Variants in ELK1 observed in about 807,000 individuals in gnomAD.
ELK1 encodes the protein ETS domain-containing protein Elk-1.
For synonymous variants in ELK1, 163 were observed against 176.3 expected (o/e 0.92, Z 0.60); for missense variants, 254 against 381.5 (o/e 0.67, Z 2.78).
At chrX:47,645,832 C>T (rs1382426541) in intron 2 of ELK1, among the ~76,000 whole-genome samples, 1 of 111,918 alleles carries the variant, frequency 8.9e-6, no homozygotes, top group Non-Finnish European at 1.9e-5. Context: ...TCTTCCTCTG[C>T]GTGATCAAAG....
intron 3 of ELK1, among the ~76,000 whole-genome samples, chrX:47,640,641 A>G (rs761587419): frequency 8.9e-6 from 1 of 111,877 alleles, no homozygotes; most frequent in African/African-American, 3.3e-5. Flanking sequence ...TGGGAATTTA[A>G]GAAGACAGTG....
Position 47,637,039 on chromosome X carries a change from G to A in ELK1, c.1162C>T (p.Arg388Cys), listed in dbSNP as rs745709371. The A allele has an allele frequency of 4.1e-6, 5 of 1,210,518 alleles. No individual in the cohort carries two copies. Among genetic ancestry groups the A allele is most frequent in the Non-Finnish European group, 4.5e-6 (4 of 895,052 alleles). ...TGGAAGGAGAGCTTGGCCGGGCTAC[G>A]GGGCGCAATGGGACTCAGGGTGCTC... ...FWSTLSPIAP[R>C]SPAKLSFQFP... Residue 388 changes from arginine (R) to cysteine (C), a missense_variant, in exon 6 of 7, where the codon CGT (arginine) becomes TGT (cysteine). Physicochemically the swap from Arg to Cys is radical, Grantham distance 180 (BLOSUM62 -3). Coordinates refer to ENST00000376983, the MANE Select transcript of ELK1 (RefSeq NM_001114123.3).
In ELK1 at chrX:47,639,470, C is replaced by T. The variant is rs1392211665; in HGVS notation, c.211-132G>A. ...GGCTTTCTTCCCACTTGCTCCTCTCCGGCTTTCCCGTCCCTCCTCTGTAAG... is the reference window on the plus strand; with the variant it reads ...GGCTTTCTTCCCACTTGCTCCTCTCTGGCTTTCCCGTCCCTCCTCTGTAAG... On this transcript the variant is annotated intron_variant, in intron 3 of 6. Coordinates refer to ENST00000376983, the MANE Select transcript of ELK1 (RefSeq NM_001114123.3). 6 of 573,690 alleles carry T rather than the reference C, an allele frequency of 1.0e-5. No homozygotes were observed. In the African/African-American group the frequency reaches 1.1e-4, roughly 11 times the overall value. 47.3% of individuals were successfully genotyped at this position (573,690 alleles called of 1,213,427 possible).
rs1360420899 is a variant in ELK1 at position 47,644,278 on chromosome X, C to T, written c.-34-2803G>A. On this transcript the variant is annotated intron_variant, in intron 2 of 6. Coordinates refer to ENST00000376983, the MANE Select transcript of ELK1 (RefSeq NM_001114123.3). ...AGGGCTTTGTATTTTGTTATTTCTC[C>T]CACTTGACCCCTCATAAGAGTTCTA... Among the ~76,000 whole-genome samples, 3 of 111,639 alleles carry T rather than the reference C, an allele frequency of 2.7e-5. No homozygotes were observed. The Admixed American group carries it at 2.9e-4, about 11-fold the overall frequency.
rs779670525 is a variant in ELK1, at chrX:47,650,554, C to A, written c.-272G>T. The A allele has an allele frequency of 3.2e-6, 1 of 312,786 alleles. No homozygotes were observed. The highest frequency in any genetic ancestry group is 4.4e-5 in the Admixed American group (1 of 22,766). 25.8% of individuals were successfully genotyped at this position (312,786 alleles called of 1,213,427 possible). ...GAGGTGGTGGTGGCGGTGGCGGCGG[C>A]AGCACCTAGAAGCCGCCCCTGCGTT... On this transcript the variant is annotated 5_prime_UTR_variant, in exon 1 of 7. Transcript: ENST00000376983.
rs754212530 is a variant in ELK1 at position 47,637,610 on chromosome X, G to A, written c.1086+141C>T. The A allele has an allele frequency of 2.9e-5, 23 of 792,973 alleles. No individual in the cohort carries two copies. In the African/African-American group the frequency reaches 3.6e-4, roughly 12 times the overall value. The allele number at this position is 792,973 out of a possible 1,213,427, so 65.3% of individuals were successfully genotyped here. On this transcript the variant is annotated intron_variant, in intron 5 of 6. Coordinates refer to ENST00000376983, the MANE Select transcript of ELK1 (RefSeq NM_001114123.3). ...AACCCCATCCCTCCAGCCAGCATCA[G>A]CCCAGTCAATCACACTCAAAGGCTC...
rs1442891947 is a variant in ELK1, at chrX:47,636,439, C to T, written c.*390G>A. ...GGCTGAGAAATAAAGAAAGAAAGGT[C>T]GTTCTCAAGCCAGACCTCGATTGTC... On this transcript the variant is annotated 3_prime_UTR_variant, in exon 7 of 7. Transcript: ENST00000376983. 7.2e-6 allele frequency: 1 copy of T among 137,991 alleles called. No individual in the cohort carries two copies. The highest frequency in any genetic ancestry group is 1.4e-5 in the Non-Finnish European group (1 of 70,497). The allele number at this position is 137,991 out of a possible 1,213,427, so 11.4% of individuals were successfully genotyped here.
At chrX:47,641,552 T>G (rs2058028817) in intron 2 of ELK1, 77 bp from the exon 3 acceptor site, 2 of 757,281 alleles carry the variant, frequency 2.6e-6, no homozygotes, top group Non-Finnish European at 3.8e-6. Flanking sequence ...ATTCCTTTTT[T>G]TGTCATCTTT....
Position 47,636,818 on chromosome X carries a change from G to A in ELK1, c.*11C>T, listed in dbSNP as rs768193710. ...TGACCCCAGAAGGGGTGGTGGTGGT[G>A]GTGGTAGTAGTCATGGCTTCTGGGG... On this transcript the variant is annotated 3_prime_UTR_variant, in exon 7 of 7. Transcript: ENST00000376983. 45 of 1,129,030 alleles carry A rather than the reference G, an allele frequency of 4.0e-5. 1 individual carries two copies. The South Asian group carries it at 8.6e-4, about 22-fold the overall frequency. The allele number at this position is 1,129,030 out of a possible 1,213,427, so 93.0% of individuals were successfully genotyped here.
At chrX:47,644,199 G>A (rs886420812) in intron 2 of ELK1, among the ~76,000 whole-genome samples, 4 of 111,949 alleles carry the variant, frequency 3.6e-5, no homozygotes, top group African/African-American at 1.3e-4. Context: ...AGCTGCAACA[G>A]AACCTATCAG....
Position 47,637,973 on chromosome X carries a change from C to T in ELK1, c.864G>A (p.Ala288=), listed in dbSNP as rs762419349. The change falls in exon 5 of 7, where the codon GCG becomes GCA. Residue 288 remains alanine (A), a synonymous_variant. Coordinates refer to ENST00000376983, the MANE Select transcript of ELK1 (RefSeq NM_001114123.3). ...PQEGVPARLP[A]VVMDTAGQAG... is the part of the protein sequence containing the mutation. ...CCTGCCCTGCGGTGTCCATAACAAC[C>T]GCGGGCAGCCGGGCTGGCACGCCCT... 4.1e-6 allele frequency: 5 copies of T among 1,207,734 alleles called. No homozygotes were observed. Among genetic ancestry groups the T allele is most frequent in the African/African-American group, 3.5e-5 (2 of 57,116 alleles).
chrX:47,640,949 C>T (rs1210107268), intron 3 of ELK1, among the ~76,000 whole-genome samples: 3 of 111,126 alleles, frequency 2.7e-5, no homozygotes, highest in African/African-American at 6.6e-5. Context: ...GAAAATGAAA[C>T]GTTGTGCATG....
At chrX:47,647,279 G>C (rs2058046771) in intron 2 of ELK1, among the ~76,000 whole-genome samples, 1 of 106,998 alleles carries the variant, frequency 9.3e-6, no homozygotes, top group African/African-American at 3.4e-5. Context: ...TCCTGCCTCA[G>C]CCTCCCAAGT....
In ELK1 at chrX:47,638,987, C is replaced by T; in HGVS notation, c.562G>A (p.Gly188Arg). The change falls in exon 4 of 7, where the codon GGG becomes AGG. Residue 188 changes from glycine to arginine, a missense_variant. By Grantham distance (125) the Gly-to-Arg change is moderately radical (BLOSUM62 -2). Coordinates refer to ENST00000376983, the MANE Select transcript of ELK1 (RefSeq NM_001114123.3). Reference protein sequence around the residue: ...AVVLPSAAPAGAAAPPSGSRS... With the variant: ...AVVLPSAAPARAAAPPSGSRS... The stretch of plus-strand genomic sequence containing the variant: ...CTCCCCGAGGGGGGCGCTGCTGCCC[C>T]TGCAGGAGCTGCACTGGGGAGCACC... 5 of 1,199,278 alleles carry T rather than the reference C, an allele frequency of 4.2e-6. No homozygotes were observed. Among genetic ancestry groups the T allele is most frequent in the Non-Finnish European group, 5.6e-6 (5 of 889,284 alleles).
intron 3 of ELK1, 37 bp downstream of exon 3, chrX:47,641,194 TC>T: frequency 8.5e-7 from 1 of 1,183,235 alleles, no homozygotes; most frequent in East Asian, 3.0e-5. Context: ...GATATAAATG[TC>T]AGGGGGGGGT....
At position 47,638,896 on chromosome X, in the gene ELK1, T is replaced by C. The variant is rs141670214; in HGVS notation, c.653A>G (p.Gln218Arg). ...GAATTTCTATATTCCAGTCCTTACC[T>C]GCAGAGGCAAGCCGGCCTCTTCAGC... ...LEAEEAGLPL[Q>R]VILTPPEAPN... The change falls in exon 4 of 7, where the codon CAG (glutamine) becomes CGG (arginine). Residue 218 changes from glutamine (Q) to arginine (R), a missense_variant and splice_region_variant. Gln to Arg is a conservative substitution (Grantham distance 43). Coordinates refer to ENST00000376983, the MANE Select transcript of ELK1 (RefSeq NM_001114123.3). 15 of 1,198,995 alleles carry C rather than the reference T, an allele frequency of 1.3e-5. No individual in the cohort carries two copies. In the African/African-American group the frequency reaches 2.3e-4, roughly 18 times the overall value.
intron 1 of ELK1, among the ~76,000 whole-genome samples, 190 bp from the exon 2 acceptor site, chrX:47,650,216 C>A (rs2058057429): frequency 9.1e-6 from 1 of 110,362 alleles, no homozygotes; most frequent in Non-Finnish European, 1.9e-5. Flanking sequence ...CATTATACAA[C>A]GGGAGGGGGA....
Position 47,639,356 on chromosome X carries a change from G to A in ELK1, c.211-18C>T. On this transcript the variant is annotated intron_variant, in intron 3 of 6. Transcript: ENST00000376983. ...ATGATGTTCTAGGAAGGGAGGAGAG[G>A]AACAGAGGGCCTTAGAGGAAAGGGG... is the stretch of plus-strand genomic sequence containing the variant. The A allele has an allele frequency of 8.5e-7, 1 of 1,176,842 alleles. No homozygotes were observed. Among genetic ancestry groups the A allele is most frequent in the African/African-American group, 1.8e-5 (1 of 56,686 alleles).
At position 47,641,455 on chromosome X, in the gene ELK1, C is replaced by A; in HGVS notation, c.-14G>T. The A allele has an allele frequency of 8.3e-7, 1 of 1,200,134 alleles. No homozygotes were observed. Among genetic ancestry groups the A allele is most frequent in the Non-Finnish European group, 1.1e-6 (1 of 888,818 alleles). Reference sequence around the variant, plus strand: ...AGATGGGTCCATCGCTGGGGGAGTGCTCACGCCATCCCAGGGGTACCTGGA... The same window carrying A: ...AGATGGGTCCATCGCTGGGGGAGTGATCACGCCATCCCAGGGGTACCTGGA... On this transcript the variant is annotated 5_prime_UTR_variant, in exon 3 of 7. Transcript: ENST00000376983.
Sources: gnomAD v4.1 joint callset for allele counts (sites outside exome capture counted in the v4.1 genomes callset) on GRCh38, gnomAD v4.1.1 for gene constraint, MANE v1.5 for transcripts, NCBI Gene and HGNC (gene_info 2026-07-23, HGNC 2026-07-21) for gene names.